Variants in MYT1L observed in about 807,000 individuals in gnomAD.
MYT1L encodes the protein myelin transcription factor 1 like, also known as myelin transcription factor 1-like protein.
A neutral mutation model predicts 126.7 loss-of-function variants in MYT1L; 12 were observed. The ratio of observed to expected loss-of-function variants is 0.09; its 90% CI spans 0.06 to 0.15. The LOEUF (loss-of-function observed/expected upper bound fraction) is 0.15. Among genes scored for constraint, MYT1L ranks in the 10% least tolerant of loss-of-function variants. The pLI is 1.00. For missense variants in MYT1L, 979 were observed against 1,585.2 expected (o/e 0.62, Z 6.49); for synonymous variants, 541 against 604.2 (o/e 0.90, Z 1.53).
At chr2:1,833,469 G>C (rs965422011) in intron 21 of MYT1L, among the ~76,000 whole-genome samples, 3 of 152,166 alleles carry the variant, frequency 2.0e-5, no homozygotes, top group Non-Finnish European at 4.4e-5. Context: ...TGTCCGCTCT[G>C]CTGCTTCCTC....
intron 2 of MYT1L, among the ~76,000 whole-genome samples, chr2:2,219,499 A>G (rs1309526519): frequency 6.6e-6 from 1 of 152,190 alleles, no homozygotes; most frequent in African/African-American, 2.4e-5. Context: ...TAATAAAGAG[A>G]TCAATGTATT....
chr2:2,123,732 T>A (rs2081334452), intron 3 of MYT1L, among the ~76,000 whole-genome samples: 2 of 152,196 alleles, frequency 1.3e-5, no homozygotes, highest in African/African-American at 4.8e-5. Flanking sequence ...GTCTCGGGTA[T>A]TTCATTATCT....
chr2:2,295,637 GAGAGAGAGATAGAGAGACAGACAGAC>G (rs2095668824), intron 1 of MYT1L, among the ~76,000 whole-genome samples: 15 of 145,940 alleles, frequency 1.0e-4, no homozygotes, highest in Non-Finnish European at 2.0e-4. Flanking sequence ...CAGACAGACA[GAGAGAGAGATAGAGAGACAGACAGAC>G]AGAGAGAGAG....
intron 3 of MYT1L, among the ~76,000 whole-genome samples, chr2:2,136,662 A>G (rs1349978315): frequency 6.6e-6 from 1 of 152,158 alleles, no homozygotes; most frequent in Non-Finnish European, 1.5e-5. Flanking sequence ...TATTATTCTT[A>G]CTGTTTAGAT....
chr2:2,279,362 G>A (rs1352663822), intron 2 of MYT1L, among the ~76,000 whole-genome samples: 1 of 150,966 alleles, frequency 6.6e-6, no homozygotes, highest in Non-Finnish European at 1.5e-5. Flanking sequence ...GTATTATAAT[G>A]ATTAAGCCAT....
intron 3 of MYT1L, among the ~76,000 whole-genome samples, chr2:2,099,406 T>C (rs979012223): frequency 4.6e-5 from 7 of 152,028 alleles, no homozygotes; most frequent in Admixed American, 6.5e-5. Context: ...TAAGGGCTAA[T>C]TCATAAAAGT....
At chr2:1,863,014 A>C (rs554841617) in intron 18 of MYT1L, among the ~76,000 whole-genome samples, 2 of 152,310 alleles carry the variant, frequency 1.3e-5, no homozygotes, top group African/African-American at 4.8e-5. Flanking sequence ...ATGATCCAGG[A>C]GGCCAGGGAT....
At chr2:1,863,033 G>A (rs1183765265) in intron 18 of MYT1L, among the ~76,000 whole-genome samples, 1 of 152,202 alleles carries the variant, frequency 6.6e-6, no homozygotes, top group Non-Finnish European at 1.5e-5. Context: ...ATACAGGGCT[G>A]GCCCAGATGG....
At chr2:1,992,526 G>A (rs2061525052) in intron 5 of MYT1L, among the ~76,000 whole-genome samples, 1 of 152,174 alleles carries the variant, frequency 6.6e-6, no homozygotes, top group African/African-American at 2.4e-5. Flanking sequence ...AGAACCCAGA[G>A]TGGTTCTCTG....
chr2:2,300,078 A>G (rs1384321927), intron 1 of MYT1L, among the ~76,000 whole-genome samples: 1 of 152,360 alleles, frequency 6.6e-6, no homozygotes, highest in Non-Finnish European at 1.5e-5. Context: ...AAAACACAAA[A>G]CAAGATTCCA....
intron 2 of MYT1L, among the ~76,000 whole-genome samples, chr2:2,265,456 T>A (rs959689128): frequency 6.6e-6 from 1 of 152,308 alleles, no homozygotes; most frequent in South Asian, 2.1e-4. Flanking sequence ...ATTATTTTAA[T>A]AAGTGCGAGT....
rs1558698063 is a variant in MYT1L, at chr2:2,004,289, GCGTTCTTTCCTGCAT to G, written c.-157-6957_-157-6943del. On this transcript the variant is annotated intron_variant, in intron 4 of 24. Coordinates refer to ENST00000647738, the MANE Select transcript of MYT1L (RefSeq NM_001303052.2). ...TTCCTGCAGGCGTTCTTTCCTGCAT[GCGTTCTTTCCTGCAT>G]GCGTTCTTTCCTGCAGGCGTTCTTT... Among the ~76,000 whole-genome samples, 195 of 140,576 alleles carry G rather than the reference GCGTTCTTTCCTGCAT, an allele frequency of 1.4e-3. 3 individuals are homozygous for G. The highest frequency in any genetic ancestry group is 2.3e-3 in the Non-Finnish European group (150 of 64,362). The allele number at this position is 140,576 out of a possible 152,430, so 92.2% of individuals were successfully genotyped here.
At chr2:2,308,531 G>A (rs543357190) in intron 1 of MYT1L, among the ~76,000 whole-genome samples, 8 of 151,630 alleles carry the variant, frequency 5.3e-5, no homozygotes, top group Admixed American at 5.3e-4. Context: ...CTACACTTCA[G>A]TATATTCTAC....
intron 4 of MYT1L, among the ~76,000 whole-genome samples, chr2:2,038,669 A>ATT (rs113485888): frequency 6.7e-6 from 1 of 149,378 alleles, no homozygotes; most frequent in Non-Finnish European, 1.5e-5. Flanking sequence ...TTTGCTTAGA[A>ATT]TTTTTTTTTT....
intron 10 of MYT1L, among the ~76,000 whole-genome samples, chr2:1,921,510 G>A (rs769016410): frequency 3.9e-5 from 6 of 152,074 alleles, no homozygotes; most frequent in Non-Finnish European, 5.9e-5. Flanking sequence ...CACATATTTC[G>A]TAAAAGAAAA....
chr2:2,133,713 G>A (rs1351315455), intron 3 of MYT1L, among the ~76,000 whole-genome samples: 2 of 152,070 alleles, frequency 1.3e-5, no homozygotes, highest in Admixed American at 1.3e-4. Flanking sequence ...ATCTGATTCA[G>A]TGGCCAACAT....
chr2:1,967,887 A>C (rs1340178954), intron 8 of MYT1L, among the ~76,000 whole-genome samples: 1 of 152,108 alleles, frequency 6.6e-6, no homozygotes, highest in Non-Finnish European at 1.5e-5. Flanking sequence ...CCTAGACTCC[A>C]CTTCCGCAAA....
intron 18 of MYT1L, among the ~76,000 whole-genome samples, chr2:1,866,865 A>AGG (rs2045632434): frequency 7.7e-6 from 1 of 129,634 alleles, no homozygotes; most frequent in African/African-American, 3.0e-5. Flanking sequence ...GAGGGCAGAG[A>AGG]GAGATGGGCA....
chr2:2,322,773 C>A (rs781315631), intron 1 of MYT1L, among the ~76,000 whole-genome samples: 4 of 151,988 alleles, frequency 2.6e-5, no homozygotes, highest in Non-Finnish European at 5.9e-5. Flanking sequence ...CTAAAAGCAG[C>A]TATATTAATC....
Sources: allele counts gnomAD v4.1 joint callset (sites outside exome capture counted in the v4.1 genomes callset), GRCh38; gene constraint gnomAD v4.1.1; transcripts MANE v1.5; gene names NCBI Gene and HGNC (gene_info 2026-07-23, HGNC 2026-07-21).